ADGRL3: variants seen among roughly 807,000 people sequenced by gnomAD.
ADGRL3 encodes the protein calcium-independent alpha-latrotoxin receptor 3.
ADGRL3 carries 62 observed loss-of-function variants against 153.5 expected under a neutral mutation model. That is an observed-to-expected ratio of 0.40 (90% confidence interval 0.33 to 0.50). ADGRL3 has a LOEUF of 0.50. ADGRL3 is among the 20% of genes least tolerant of loss of function. The pLI is 0.47. For missense variants in ADGRL3, 1,641 were observed against 1,859.4 expected (o/e 0.88, Z 2.16); for synonymous variants, 710 against 672.5 (o/e 1.06, Z -0.86).
chr4:61,477,336 A>C (rs2152716125), intron 2 of ADGRL3, among the ~76,000 whole-genome samples: 1 of 150,276 alleles, frequency 6.7e-6, no homozygotes, highest in Admixed American at 6.7e-5. Flanking sequence ...TTTAGTTTTT[A>C]AAGATAGTTA....
At chr4:61,424,898 G>A (rs924025589) in intron 2 of ADGRL3, among the ~76,000 whole-genome samples, 11 of 152,218 alleles carry the variant, frequency 7.2e-5, no homozygotes, top group Middle Eastern at 3.4e-3. Flanking sequence ...AAGTGGGAAC[G>A]TAGCACCTCC....
chr4:62,070,745 A>C lies in ADGRL3; in HGVS notation c.4469A>C (p.Lys1490Thr). The C allele has an allele frequency of 6.4e-7, 1 of 1,551,608 alleles. No homozygotes were observed. Among genetic ancestry groups the C allele is most frequent in the Non-Finnish European group, 8.7e-7 (1 of 1,146,978 alleles). ...KCGDAEDVYY[K>T]SMPNLGSRNH... The stretch of plus-strand genomic sequence containing the variant: ...GGTGATGCCGAAGATGTTTACTACA[A>C]AAGCATGCCAAACCTAGGCTCCAGA... Residue 1490 changes from lysine to threonine, a missense_variant, in exon 27 of 27, where the codon AAA becomes ACA. Lys to Thr is a moderately conservative substitution (Grantham distance 78). This residue lies in a region of ADGRL3 where 517 missense variants were observed against 555.0 expected (regional missense o/e 0.93). Coordinates refer to ENST00000683033, the MANE Select transcript of ADGRL3 (RefSeq NM_001387552.1).
intron 19 of ADGRL3, among the ~76,000 whole-genome samples, chr4:61,985,806 G>T (rs1440925656): frequency 6.6e-6 from 1 of 151,788 alleles, no homozygotes; most frequent in Non-Finnish European, 1.5e-5. Flanking sequence ...GTCTAAATAT[G>T]CCAATAACTA....
chr4:61,379,218 A>G (rs770812098), intron 1 of ADGRL3, among the ~76,000 whole-genome samples: 1 of 152,030 alleles, frequency 6.6e-6, no homozygotes, highest in African/African-American at 2.4e-5. Context: ...GGATTTGACC[A>G]TCATAAGTAA....
intron 1 of ADGRL3, among the ~76,000 whole-genome samples, chr4:61,281,095 T>C (rs2093703874): frequency 1.3e-5 from 2 of 152,106 alleles, no homozygotes; most frequent in African/African-American, 2.4e-5. Flanking sequence ...TTATCATATA[T>C]ATACATATAT....
chr4:62,069,227 T>G (rs1744591780), intron 26 of ADGRL3, among the ~76,000 whole-genome samples: 1 of 152,114 alleles, frequency 6.6e-6, no homozygotes, highest in African/African-American at 2.4e-5. Context: ...AACCCAAACT[T>G]TAACATGCAC....
chr4:61,767,990 T>C (rs1303354238), intron 8 of ADGRL3, among the ~76,000 whole-genome samples: 1 of 152,034 alleles, frequency 6.6e-6, no homozygotes, highest in Non-Finnish European at 1.5e-5. Flanking sequence ...GATTGGGTAA[T>C]AAAATGTATA....
intron 8 of ADGRL3, among the ~76,000 whole-genome samples, chr4:61,754,980 T>C (rs1049126619): frequency 1.4e-4 from 22 of 152,204 alleles, no homozygotes; most frequent in Non-Finnish European, 2.4e-4. Flanking sequence ...TAGTATTCCA[T>C]GGTGTATATG....
chr4:61,660,912 C>G (rs913028837), intron 5 of ADGRL3, among the ~76,000 whole-genome samples: 6 of 151,958 alleles, frequency 3.9e-5, no homozygotes, highest in African/African-American at 1.4e-4. Context: ...TTTAGAAACC[C>G]TGTTTTGTTT....
chr4:61,529,878 G>C (rs890726981), intron 4 of ADGRL3, among the ~76,000 whole-genome samples: 2 of 152,070 alleles, frequency 1.3e-5, no homozygotes, highest in African/African-American at 2.4e-5. Context: ...GAAACTAAAA[G>C]TGCTTTTATT....
chr4:61,599,860 A>G (rs766388330), intron 5 of ADGRL3, among the ~76,000 whole-genome samples: 3 of 152,190 alleles, frequency 2.0e-5, no homozygotes, highest in Non-Finnish European at 2.9e-5. Context: ...TCTGAGTCAC[A>G]ACAGCTTTTA....
At chr4:61,643,779 G>C (rs1172114364) in intron 5 of ADGRL3, among the ~76,000 whole-genome samples, 26 of 143,636 alleles carry the variant, frequency 1.8e-4, no homozygotes, top group African/African-American at 6.2e-4. Flanking sequence ...GCCCGGCTTT[G>C]GTATCAGGAT....
rs141787190 is a variant in ADGRL3 at position 61,263,564 on chromosome 4, C to G, written c.-240+61799C>G. Among the ~76,000 whole-genome samples, 4 of 151,884 alleles carry G rather than the reference C, an allele frequency of 2.6e-5. No individual in the cohort carries two copies. In the East Asian group the frequency reaches 7.8e-4, roughly 29 times the overall value. On this transcript the variant is annotated intron_variant, in intron 1 of 26. Transcript: ENST00000683033. ...AGTATAAACACTTCTAAATCCTACT[C>G]ATTTCAATAGAATGTCTCTGTTTTC... is the stretch of plus-strand genomic sequence containing the variant.
chr4:62,049,352 C>T (rs1289942075), intron 25 of ADGRL3, among the ~76,000 whole-genome samples: 2 of 152,100 alleles, frequency 1.3e-5, no homozygotes, highest in Non-Finnish European at 2.9e-5. Context: ...GATCTCCTAT[C>T]CTCCATCTTG....
At chr4:61,881,039 G>T (rs1049450318) in intron 9 of ADGRL3, among the ~76,000 whole-genome samples, 3 of 151,902 alleles carry the variant, frequency 2.0e-5, no homozygotes, top group Admixed American at 1.3e-4. Context: ...TCCCCTGTTT[G>T]TTTCATCCTT....
rs896762016 is a variant in ADGRL3 at position 61,236,878 on chromosome 4, G to A, written c.-240+35113G>A. ...TTGATGAAATCATTATTGTAAATCT[G>A]TCTGGACCTGAGTTCTTCCTACCTT... On this transcript the variant is annotated intron_variant, in intron 1 of 26. Transcript: ENST00000683033. 1.3e-4 allele frequency among the ~76,000 whole-genome samples: 20 copies of A among 152,164 alleles called. 1 individual carries two copies. Among genetic ancestry groups the A allele is most frequent in the Middle Eastern group, 6.8e-3 (2 of 294 alleles).
intron 9 of ADGRL3, among the ~76,000 whole-genome samples, chr4:61,856,994 T>TTCTC (rs2098279267): frequency 7.4e-6 from 1 of 135,978 alleles, no homozygotes; most frequent in Admixed American, 7.6e-5. Flanking sequence ...CTTTCTTTCT[T>TTCTC]TCTTTCTTTC....
chr4:61,524,468 G>C (rs192231254), intron 4 of ADGRL3, among the ~76,000 whole-genome samples: 5 of 151,368 alleles, frequency 3.3e-5, no homozygotes, highest in African/African-American at 1.2e-4. Flanking sequence ...TCTTTTTCTT[G>C]GTTATTAGGC....
chr4:61,211,129 A>G (rs1739793941), intron 1 of ADGRL3, among the ~76,000 whole-genome samples: 1 of 152,198 alleles, frequency 6.6e-6, no homozygotes, highest in Non-Finnish European at 1.5e-5. Flanking sequence ...ATTTAATAGA[A>G]TGGGTGTTTT....
Sources: gnomAD v4.1 joint callset for allele counts (sites outside exome capture counted in the v4.1 genomes callset) on GRCh38, gnomAD v4.1.1 for gene constraint, gnomAD v4.1.1 regional missense constraint, MANE v1.5 for transcripts, NCBI Gene and HGNC (gene_info 2026-07-23, HGNC 2026-07-21) for gene names.